Variants in KIF26B observed in about 807,000 individuals in gnomAD.
The protein encoded by KIF26B is kinesin-like protein KIF26B.
In KIF26B, 63 loss-of-function variants were observed where a neutral mutation model predicts 151.2. The observed-to-expected ratio is 0.42, with a 90% CI of 0.34 to 0.51. The LOEUF (loss-of-function observed/expected upper bound fraction) is 0.51. Among genes scored for constraint, KIF26B ranks in the 20% least tolerant of loss-of-function variants. The pLI, the probability that KIF26B is intolerant of heterozygous loss-of-function variation, is 0.07. For synonymous variants in KIF26B, 1,357 were observed against 1,262.1 expected (o/e 1.08, Z -1.59); for missense variants, 2,813 against 2,913.6 (o/e 0.97, Z 0.79).
At chr1:245,237,556 AG>A (rs1670133522) in intron 2 of KIF26B, among the ~76,000 whole-genome samples, 2 of 152,222 alleles carry the variant, frequency 1.3e-5, no homozygotes, top group East Asian at 3.9e-4. Flanking sequence ...GCCGGGGCCC[AG>A]GGGGTCTATG....
intron 4 of KIF26B, among the ~76,000 whole-genome samples, chr1:245,478,903 A>G (rs982232956): frequency 6.6e-6 from 1 of 151,822 alleles, no homozygotes; most frequent in African/African-American, 2.4e-5. Flanking sequence ...AAGATAGCCA[A>G]TAAAATTCTT....
intron 2 of KIF26B, among the ~76,000 whole-genome samples, chr1:245,182,393 A>G (rs1442118049): frequency 6.6e-6 from 1 of 152,224 alleles, no homozygotes; most frequent in African/African-American, 2.4e-5. Flanking sequence ...CTGTTGTAGC[A>G]TGTATCAGTA....
chr1:245,416,717 C>T (rs1422748932), intron 3 of KIF26B, among the ~76,000 whole-genome samples: 2 of 152,114 alleles, frequency 1.3e-5, no homozygotes, highest in East Asian at 1.9e-4. Flanking sequence ...AGCAAAGGCC[C>T]CACGGCAGAA....
chr1:245,652,141 T>A (rs1266273124), intron 10 of KIF26B, among the ~76,000 whole-genome samples: 361 of 98,760 alleles, frequency 3.7e-3, no homozygotes, highest in African/African-American at 6.5e-3. Context: ...TGTGTGTGTG[T>A]GTGTGAGAGA....
intron 2 of KIF26B, among the ~76,000 whole-genome samples, chr1:245,181,090 G>A (rs1222438898): frequency 2.0e-5 from 3 of 152,146 alleles, no homozygotes; most frequent in Non-Finnish European, 2.9e-5. Flanking sequence ...AGCTCTCAGC[G>A]ACCTTTCTGC....
Position 245,684,345 on chromosome 1 carries a change from A to G in KIF26B, c.2371A>G (p.Thr791Ala). 6.2e-7 allele frequency: 1 copy of G among 1,613,860 alleles called. No individual in the cohort carries two copies. Among genetic ancestry groups the G allele is most frequent in the Non-Finnish European group, 8.5e-7 (1 of 1,179,816 alleles). Reference protein sequence around the residue: ...AVGSYAETLSTIQIASRVLRM... With the variant: ...AVGSYAETLSAIQIASRVLRM... ...CGGGAGCTACGCGGAGACCCTGTCCACCATCCAGATTGCATCGAGAGTCTT... is the reference window on the plus strand; with the variant it reads ...CGGGAGCTACGCGGAGACCCTGTCCGCCATCCAGATTGCATCGAGAGTCTT... The change falls in exon 11 of 15, where the codon ACC becomes GCC. Residue 791 changes from threonine (T) to alanine (A), a missense_variant. Transcript: ENST00000407071.
At chr1:245,272,331 C>G (rs915391277) in intron 2 of KIF26B, among the ~76,000 whole-genome samples, 3 of 152,034 alleles carry the variant, frequency 2.0e-5, no homozygotes, top group South Asian at 2.1e-4. Flanking sequence ...GATGCTGAAG[C>G]AGAAGGATCA....
At chr1:245,155,732 G>A (rs1668418084) in intron 1 of KIF26B, among the ~76,000 whole-genome samples, 1 of 152,214 alleles carries the variant, frequency 6.6e-6, no homozygotes, top group South Asian at 2.1e-4. Context: ...AACTTTTGCC[G>A]CATTCCTGCA....
At chr1:245,591,894 C>T (rs1397121995) in intron 5 of KIF26B, among the ~76,000 whole-genome samples, 2 of 152,186 alleles carry the variant, frequency 1.3e-5, no homozygotes, top group Non-Finnish European at 2.9e-5. Context: ...CCTGGCCCCC[C>T]AAGCCTGCCG....
intron 2 of KIF26B, among the ~76,000 whole-genome samples, chr1:245,229,795 T>G (rs1333253879): frequency 1.3e-5 from 2 of 152,194 alleles, no homozygotes; most frequent in Non-Finnish European, 2.9e-5. Context: ...ATTTCTTTAT[T>G]CATTCTCCTG....
intron 9 of KIF26B, among the ~76,000 whole-genome samples, chr1:245,618,732 G>A (rs1021548360): frequency 9.1e-6 from 1 of 110,368 alleles, no homozygotes; most frequent in East Asian, 3.0e-4. Flanking sequence ...ACGTGCTGTT[G>A]GTGAGCTTGT....
rs1553270129 is a variant in KIF26B, at chr1:245,390,943, A to AAAACAAAACAAAACAAAAC, written c.999+23579_999+23580insCAAAACAAAACAAAACAAA. ...TCTCAAAAAAAAAAAAAAAAAAAAA[A>AAAACAAAACAAAACAAAAC]AAAAAAAAACCACCATAAAATTTTG... On this transcript the variant is annotated intron_variant, in intron 3 of 14. Coordinates refer to ENST00000407071, the MANE Select transcript of KIF26B (RefSeq NM_018012.4). 7.6e-3 allele frequency among the ~76,000 whole-genome samples: 900 copies of AAAACAAAACAAAACAAAAC among 118,404 alleles called. 62 individuals carry two copies. The highest frequency in any genetic ancestry group is 0.034 in the African/African-American group (825 of 24,398). 77.7% of individuals were successfully genotyped at this position (118,404 alleles called of 152,430 possible).
chr1:245,488,522 C>T lies in KIF26B; in HGVS notation c.1167-52245C>T, dbSNP rs1042196219. On this transcript the variant is annotated intron_variant, in intron 4 of 14. Transcript: ENST00000407071. The surrounding 1 kb of genome is among the most constrained non-coding windows in gnomAD (Gnocchi z 4.6). ...GTCTGAGCAGTTCCTGAAGAAACAG[C>T]CCCCGGGGAATGAACTACCCCCTCT... 1.3e-5 allele frequency among the ~76,000 whole-genome samples: 2 copies of T among 152,002 alleles called. No homozygotes were observed. The highest frequency in any genetic ancestry group is 2.1e-4 in the South Asian group (1 of 4,812).
chr1:245,657,508 C>T (rs2044088017), intron 10 of KIF26B, among the ~76,000 whole-genome samples: 1 of 152,156 alleles, frequency 6.6e-6, no homozygotes, highest in African/African-American at 2.4e-5. Flanking sequence ...AAATGCAAAT[C>T]TGATGTCTCT....
intron 2 of KIF26B, among the ~76,000 whole-genome samples, chr1:245,161,760 G>A (rs1379077317): frequency 6.6e-6 from 1 of 152,124 alleles, no homozygotes; most frequent in African/African-American, 2.4e-5. Context: ...AAATATGCAA[G>A]GAACAGAGAA....
chr1:245,287,495 T>A (rs952575836), intron 2 of KIF26B, among the ~76,000 whole-genome samples: 4 of 79,296 alleles, frequency 5.0e-5, no homozygotes, highest in African/African-American at 2.0e-4. Flanking sequence ...CATCTCTCTC[T>A]CTCTTTTTTT....
intron 4 of KIF26B, among the ~76,000 whole-genome samples, chr1:245,483,749 C>T (rs1222404286): frequency 6.6e-6 from 1 of 151,726 alleles, no homozygotes; most frequent in African/African-American, 2.4e-5. Context: ...CTGGAACGTT[C>T]ATTTTGCAGA....
chr1:245,537,484 G>C (rs914035763), intron 4 of KIF26B, among the ~76,000 whole-genome samples: 4 of 152,196 alleles, frequency 2.6e-5, no homozygotes, highest in Non-Finnish European at 5.9e-5. Context: ...TTGTGAATAG[G>C]CAGGTGGAGA....
chr1:245,562,146 T>A (rs1475973262), intron 5 of KIF26B, among the ~76,000 whole-genome samples: 1 of 152,130 alleles, frequency 6.6e-6, no homozygotes, highest in African/African-American at 2.4e-5. Context: ...ACTTCTCAGC[T>A]GTGCTAGTGG....
Sources: gnomAD v4.1 joint callset for allele counts (sites outside exome capture counted in the v4.1 genomes callset) on GRCh38, gnomAD v4.1.1 for gene constraint, Gnocchi (gnomAD v3.1) non-coding constraint, MANE v1.5 for transcripts, NCBI Gene and HGNC (gene_info 2026-07-23, HGNC 2026-07-21) for gene names.